Variants in DYSF observed in about 807,000 individuals in gnomAD.
The protein encoded by DYSF is dystrophy-associated fer-1-like 1.
A neutral mutation model predicts 274.9 loss-of-function variants in DYSF; 212 were observed. The ratio of observed to expected loss-of-function variants is 0.77; its 90% CI spans 0.69 to 0.86. DYSF has a LOEUF of 0.86. DYSF is among the 40% of genes least tolerant of loss of function. The probability of loss-of-function intolerance (pLI) is 0.00; values close to 1 mark genes in which losing one functional copy is unlikely to be tolerated. For synonymous variants in DYSF, 1,091 were observed against 1,078.7 expected (o/e 1.01, Z -0.22); for missense variants, 2,666 against 2,783.2 (o/e 0.96, Z 0.95).
At chr2:71,459,002 A>G (rs2081178562) in intron 1 of DYSF, among the ~76,000 whole-genome samples, 1 of 152,200 alleles carries the variant, frequency 6.6e-6, no homozygotes, top group Admixed American at 6.5e-5. Flanking sequence ...CCAGGACTGC[A>G]TGTGGGTTCT....
intron 12 of DYSF, among the ~76,000 whole-genome samples, chr2:71,524,647 C>T (rs997296013): frequency 2.0e-5 from 3 of 152,202 alleles, no homozygotes; most frequent in Non-Finnish European, 2.9e-5. Flanking sequence ...TGCTATTCTC[C>T]TGTCCCTTCG....
At chr2:71,532,563 C>T (rs1036703934) in intron 14 of DYSF, among the ~76,000 whole-genome samples, 18 of 152,278 alleles carry the variant, frequency 1.2e-4, no homozygotes, top group African/African-American at 4.3e-4. Flanking sequence ...TGGGGTGTGG[C>T]AGATGGACCA....
intron 41 of DYSF, among the ~76,000 whole-genome samples, chr2:71,633,316 TA>T (rs1485880555): frequency 6.6e-6 from 1 of 152,150 alleles, no homozygotes; most frequent in Non-Finnish European, 1.5e-5. Flanking sequence ...AATTTTATGT[TA>T]TTTATGTGTT....
At chr2:71,535,942 A>C (rs1188925526) in intron 16 of DYSF, among the ~76,000 whole-genome samples, 1 of 152,180 alleles carries the variant, frequency 6.6e-6, no homozygotes, top group Non-Finnish European at 1.5e-5. Flanking sequence ...CACCGACATC[A>C]GTTCACAGAT....
chr2:71,647,846 T>A (rs966989371), intron 42 of DYSF, among the ~76,000 whole-genome samples: 14 of 152,254 alleles, frequency 9.2e-5, no homozygotes, highest in Admixed American at 5.2e-4. Context: ...ATACAGTTCC[T>A]GAAAGTGAGG....
rs751980650 is a variant in DYSF, at chr2:71,503,272, G to T, written c.298G>T (p.Ala100Ser). 1.2e-6 allele frequency: 2 copies of T among 1,614,056 alleles called. No individual in the cohort carries two copies. The highest frequency in any genetic ancestry group is 1.7e-6 in the Non-Finnish European group (2 of 1,179,976). ...GGTCCTCGCCACCCCTAGTCTGTCC[G>T]CCAGCTTCAATGCCCCCCTGCTGGA... ...REVLATPSLS[A>S]SFNAPLLDTK... The change falls in exon 4 of 56, where the codon GCC becomes TCC. Residue 100 changes from alanine to serine, a missense_variant. Physicochemically the swap from Ala to Ser is moderately conservative, Grantham distance 99 (BLOSUM62 1). Transcript: ENST00000410020.
chr2:71,517,114 A>G, intron 10 of DYSF, 75 bp downstream of exon 10: 1 of 1,374,134 alleles, frequency 7.3e-7, no homozygotes, highest in Non-Finnish European at 1.0e-6. Flanking sequence ...GACCATGGGC[A>G]GGGGCTCCAG....
At chr2:71,520,279 G>T in intron 11 of DYSF, 71 bp downstream of exon 11, 11 of 1,495,246 alleles carry the variant, frequency 7.4e-6, no homozygotes, top group South Asian at 1.1e-5. Flanking sequence ...ACTCATTTGG[G>T]GTCCTCACTG....
intron 3 of DYSF, among the ~76,000 whole-genome samples, chr2:71,490,361 C>A (rs80127257): frequency 6.6e-6 from 1 of 152,178 alleles, no homozygotes; most frequent in African/African-American, 2.4e-5. Context: ...TTTTTTGAGA[C>A]AGAGTTTCGC....
chr2:71,556,211 C>G, intron 22 of DYSF, 140 bp downstream of exon 22: 2 of 721,226 alleles, frequency 2.8e-6, no homozygotes, highest in East Asian at 2.7e-5. Flanking sequence ...GTGCTGAGTC[C>G]AAAGGTGGTG....
At chr2:71,641,155 T>G (rs568546835) in intron 41 of DYSF, among the ~76,000 whole-genome samples, 1 of 151,582 alleles carries the variant, frequency 6.6e-6, no homozygotes, top group African/African-American at 2.4e-5. Flanking sequence ...CTTTTAAAAA[T>G]TAGATTTGAT....
chr2:71,543,077 C>T lies in DYSF; in HGVS notation c.1576+3838C>T, dbSNP rs185651509. Among the ~76,000 whole-genome samples the T allele has an allele frequency of 3.6e-3, 515 of 141,168 alleles. 8 individuals are homozygous for T. Among genetic ancestry groups the T allele is most frequent in the African/African-American group, 0.013 (492 of 36,644 alleles). 92.6% of individuals were successfully genotyped at this position (141,168 alleles called of 152,430 possible). ...CCCACCTCCCGGACTGGGCAGCTGCCGGGCGGAGACGCTCCTCACTTCCAG... is the reference window on the plus strand; with the variant it reads ...CCCACCTCCCGGACTGGGCAGCTGCTGGGCGGAGACGCTCCTCACTTCCAG... On this transcript the variant is annotated intron_variant, in intron 17 of 55. Transcript: ENST00000410020.
In DYSF at chr2:71,480,952, T is replaced by A; in HGVS notation, c.147+14T>A. The A allele has an allele frequency of 1.9e-6, 3 of 1,613,284 alleles. No individual in the cohort carries two copies. The highest frequency in any genetic ancestry group is 2.5e-6 in the Non-Finnish European group (3 of 1,179,224). On this transcript the variant is annotated intron_variant, in intron 2 of 55. Transcript: ENST00000410020. ...GTATGGAATGAGGTATGTGAGTTTT[T>A]CTCCTTCCTTTTCTCTCTGTCTGCT...
chr2:71,635,008 G>A, intron 41 of DYSF, among the ~76,000 whole-genome samples: 1 of 152,172 alleles, frequency 6.6e-6, no homozygotes, highest in Admixed American at 6.5e-5. Context: ...CAAGGGCTTA[G>A]GCTCTGTCTC....
At chr2:71,589,714 G>A (rs1574203820) in intron 31 of DYSF, 28 bp downstream of exon 31, 2 of 1,574,966 alleles carry the variant, frequency 1.3e-6, no homozygotes, top group Non-Finnish European at 1.7e-6. Context: ...GCCTCTATGG[G>A]GTGATAAGGG....
In DYSF at chr2:71,613,366, G is replaced by T; in HGVS notation, c.4420G>T (p.Val1474Leu). Reference protein sequence around the residue: ...DVSLLSPGEDVLIDIDDKEPL... With the variant: ...DVSLLSPGEDLLIDIDDKEPL... ...GAGCCTACTCAGTCCTGGGGAAGAC[G>T]TGCTCATCGACATTGATGACAAGGA... Residue 1474 changes from valine (V) to leucine (L), a missense_variant, in exon 40 of 56, where the codon GTG becomes TTG. Physicochemically the swap from Val to Leu is conservative, Grantham distance 32. Around this residue, in one of 3 missense-constraint regions of DYSF, gnomAD observed 1,460 missense variants for 1,502.1 expected, o/e 0.97. Coordinates refer to ENST00000410020, the MANE Select transcript of DYSF (RefSeq NM_001130987.2). 6.2e-7 allele frequency: 1 copy of T among 1,613,592 alleles called. No homozygotes were observed. Among genetic ancestry groups the T allele is most frequent in the Non-Finnish European group, 8.5e-7 (1 of 1,179,840 alleles).
intron 50 of DYSF, 28 bp from the exon 51 acceptor site, chr2:71,669,577 A>G: frequency 1.2e-6 from 2 of 1,614,124 alleles, no homozygotes; most frequent in Non-Finnish European, 1.7e-6. Context: ...CTTAATGAGA[A>G]CTATTCTCTA....
intron 14 of DYSF, among the ~76,000 whole-genome samples, chr2:71,533,061 C>A (rs927609699): frequency 1.3e-5 from 2 of 152,080 alleles, no homozygotes; most frequent in African/African-American, 4.8e-5. Flanking sequence ...ACTCAGTAGC[C>A]CAGGCTGGAG....
At chr2:71,556,282 G>GC (rs2152796616) in intron 22 of DYSF, among the ~76,000 whole-genome samples, 1 of 152,362 alleles carries the variant, frequency 6.6e-6, no homozygotes, top group African/African-American at 2.4e-5. Flanking sequence ...CCCTGCAGCA[G>GC]CGGCAGCTGC....
Sources: gnomAD v4.1 joint callset for allele counts (sites outside exome capture counted in the v4.1 genomes callset) on GRCh38, gnomAD v4.1.1 for gene constraint, gnomAD v4.1.1 regional missense constraint, MANE v1.5 for transcripts, NCBI Gene and HGNC (gene_info 2026-07-23, HGNC 2026-07-21) for gene names.